The following FAAH2 variants were observed in gnomAD, a reference collection of about 807,000 sequenced individuals.
The protein encoded by FAAH2 is fatty acid amide hydrolase 2.
A neutral mutation model predicts 36.9 loss-of-function variants in FAAH2; 60 were observed. The ratio of observed to expected loss-of-function variants is 1.63; its 90% CI spans 1.32 to 2.02. FAAH2 has a LOEUF of 2.02. Ranked by LOEUF, FAAH2 falls within the 30% of genes most tolerant of loss-of-function variation. The pLI, the probability that FAAH2 is intolerant of heterozygous loss-of-function variation, is 0.00. For synonymous variants in FAAH2, 214 were observed against 143.8 expected, an observed-to-expected ratio of 1.49 and a Z score of -3.49; for missense variants, 689 against 397.5, an observed-to-expected ratio of 1.73 and a Z score of -6.23.
the FAAH2 span, among the ~76,000 whole-genome samples, chrX:57,273,674 T>C: frequency 5.4e-5 from 6 of 110,808 alleles, no homozygotes; most frequent in Non-Finnish European, 7.6e-5. Flanking sequence ...GGGTAAATAA[T>C]GAAATAAAGG....
At chrX:57,410,376 G>A (rs1370288437) in intron 7 of FAAH2, among the ~76,000 whole-genome samples, 4 of 111,130 alleles carry the variant, frequency 3.6e-5, no homozygotes, top group Admixed American at 1.9e-4. Flanking sequence ...CAGTTGGGTC[G>A]ATTTGTTCTC....
intron 7 of FAAH2, among the ~76,000 whole-genome samples, chrX:57,421,083 A>G (rs1265508818): frequency 8.9e-6 from 1 of 111,979 alleles, no homozygotes; most frequent in African/African-American, 3.2e-5. Context: ...TCAACATTCT[A>G]TTCATTACCT....
At chrX:57,448,762 G>A in intron 10 of FAAH2, 44 bp downstream of exon 10, 2 of 1,113,680 alleles carry the variant, frequency 1.8e-6, no homozygotes, top group South Asian at 2.0e-5. Flanking sequence ...TAAAGAAATA[G>A]AGATGTATGT....
At chrX:57,138,677 G>A in the FAAH2 span, among the ~76,000 whole-genome samples, 4 of 110,941 alleles carry the variant, frequency 3.6e-5, no homozygotes, top group Admixed American at 9.6e-5. Context: ...ATATCCCCAC[G>A]AGCAATTTAC....
chrX:57,265,291 A>C, the FAAH2 span, among the ~76,000 whole-genome samples: 1 of 111,610 alleles, frequency 9.0e-6, no homozygotes, highest in Non-Finnish European at 1.9e-5. Context: ...ACCCCTGTAC[A>C]TACCCCTAAG....
chrX:57,156,093 G>A, the FAAH2 span, among the ~76,000 whole-genome samples: 2 of 111,636 alleles, frequency 1.8e-5, no homozygotes, highest in African/African-American at 6.5e-5. Context: ...TCATCCTCTG[G>A]TAGTGTGTTT....
chrX:57,319,208 A>T (rs2052938537), intron 3 of FAAH2, among the ~76,000 whole-genome samples: 1 of 111,520 alleles, frequency 9.0e-6, no homozygotes, highest in Non-Finnish European at 1.9e-5. Context: ...GCATATTCAA[A>T]TAGGAAGAGA....
chrX:57,448,576 G>T lies in FAAH2; in HGVS notation c.1281G>T (p.Lys427Asn), dbSNP rs1321251681. The T allele has an allele frequency of 7.4e-6, 9 of 1,209,726 alleles. No individual in the cohort carries two copies. Among genetic ancestry groups the T allele is most frequent in the Admixed American group, 2.2e-5 (1 of 45,697 alleles). ...KLRYSNEKYQ[K>N]FKAVEESLRK... ...GATATAGCAATGAGAAATACCAAAA[G>T]TTTAAGGCAGTGGAAGAAAGCCTGC... The change falls in exon 10 of 11, where the codon AAG becomes AAT. Residue 427 changes from lysine to asparagine, a missense_variant. Transcript: ENST00000374900.
chrX:57,314,775 G>A (rs2052790391), intron 3 of FAAH2, among the ~76,000 whole-genome samples: 2 of 110,839 alleles, frequency 1.8e-5, no homozygotes, highest in Non-Finnish European at 3.8e-5. Flanking sequence ...TCATTAAGGC[G>A]CCACTCAAGC....
At chrX:57,420,648 C>G (rs934176437) in intron 7 of FAAH2, among the ~76,000 whole-genome samples, 1 of 109,066 alleles carries the variant, frequency 9.2e-6, no homozygotes, top group African/African-American at 3.3e-5. Context: ...TCTAGATATA[C>G]AATCATGTCA....
chrX:57,482,526 G>A (rs997678973), intron 10 of FAAH2, among the ~76,000 whole-genome samples: 10 of 109,789 alleles, frequency 9.1e-5, no homozygotes, highest in Middle Eastern at 4.7e-3. Flanking sequence ...CCTGGGTGAG[G>A]CAATGCCCCA....
the FAAH2 span, among the ~76,000 whole-genome samples, chrX:57,238,007 G>A: frequency 9.0e-6 from 1 of 111,575 alleles, no homozygotes; most frequent in Non-Finnish European, 1.9e-5. Context: ...GCAGGTATTG[G>A]CAAGGTTTTG....
the FAAH2 span, among the ~76,000 whole-genome samples, chrX:57,230,270 A>G: frequency 3.7e-4 from 41 of 112,249 alleles, no homozygotes; most frequent in African/African-American, 1.2e-3. Context: ...ATTCCAAATT[A>G]TGACATGTGA....
chrX:57,393,554 G>A lies in FAAH2; in HGVS notation c.996+12525G>A, dbSNP rs746239194. ...AAATGGGCCTGCATGGACAAACACT[G>A]GAGTGCCCTCCAATCTCTGCATGAG... On this transcript the variant is annotated intron_variant, in intron 7 of 10. Transcript: ENST00000374900. 216 of 957,150 alleles carry A rather than the reference G, an allele frequency of 2.3e-4. 1 individual carries two copies. In the South Asian group the frequency reaches 4.1e-3, roughly 18 times the overall value. The allele number at this position is 957,150 out of a possible 1,213,427, so 78.9% of individuals were successfully genotyped here. A position where few individuals can be genotyped will look rare whatever the true frequency, so the allele number is the denominator to read the frequency against.
chrX:57,289,896 AC>A (rs1160118690), intron 1 of FAAH2, among the ~76,000 whole-genome samples: 1 of 110,357 alleles, frequency 9.1e-6, no homozygotes, highest in Non-Finnish European at 1.9e-5. Context: ...AGAAGCTTTC[AC>A]TTTTCATTTG....
At chrX:57,393,383 G>T in intron 7 of FAAH2, 1 of 732,590 alleles carries the variant, frequency 1.4e-6, no homozygotes, top group South Asian at 2.1e-5. Context: ...GTGGAGACCG[G>T]AATACTGGGA....
intron 4 of FAAH2, among the ~76,000 whole-genome samples, chrX:57,339,187 G>A (rs6521609): frequency 0.36 from 40,471 of 111,006 alleles, 6,282 homozygotes; most frequent in Middle Eastern, 0.61. Flanking sequence ...TTAATAATTC[G>A]TGCTGGGAGA....
chrX:57,385,926 T>C (rs1038849778), intron 7 of FAAH2, among the ~76,000 whole-genome samples: 7 of 98,410 alleles, frequency 7.1e-5, no homozygotes, highest in Non-Finnish European at 1.5e-4. Flanking sequence ...AAAAATAGCA[T>C]AAGTGGATAC....
intron 1 of FAAH2, 71 bp from the exon 2 acceptor site, chrX:57,292,427 T>C (rs1463922898): frequency 2.1e-5 from 21 of 979,177 alleles, no homozygotes; most frequent in Non-Finnish European, 3.0e-5. Context: ...ATAGGAGTCT[T>C]TCAGGAAATA....
Sources: gnomAD v4.1 joint callset for allele counts (sites outside exome capture counted in the v4.1 genomes callset) on GRCh38, gnomAD v4.1.1 for gene constraint, MANE v1.5 for transcripts, NCBI Gene and HGNC (gene_info 2026-07-23, HGNC 2026-07-21) for gene names.